The following IGF1R variants were observed in gnomAD, a reference collection of about 807,000 sequenced individuals.
IGF1R encodes the protein insulin like growth factor 1 receptor.
In IGF1R, 44 loss-of-function variants were observed where a neutral mutation model predicts 144.6. The ratio of observed to expected loss-of-function variants is 0.30; its 90% confidence interval spans 0.24 to 0.39. The LOEUF (loss-of-function observed/expected upper bound fraction) is 0.39. IGF1R is among the 10% of genes least tolerant of loss of function. IGF1R has a pLI of 1.00. For synonymous variants in IGF1R, 795 were observed against 722.8 expected (o/e 1.10, Z -1.60); for missense variants, 1,355 against 1,833.7 (o/e 0.74, Z 4.77).
intron 5 of IGF1R, among the ~76,000 whole-genome samples, chr15:98,901,653 T>C (rs903045311): frequency 1.3e-5 from 2 of 152,118 alleles, no homozygotes; most frequent in African/African-American, 4.8e-5. Context: ...ACATCAGCAG[T>C]GCAAAGCAGA....
At chr15:98,710,316 C>T (rs1417627948) in intron 2 of IGF1R, among the ~76,000 whole-genome samples, 7 of 152,172 alleles carry the variant, frequency 4.6e-5, no homozygotes, top group Non-Finnish European at 1.0e-4. Context: ...GACTTCCCTT[C>T]CCCTTGTCCT....
At chr15:98,699,648 T>C (rs1424416229) in intron 1 of IGF1R, among the ~76,000 whole-genome samples, 1 of 152,178 alleles carries the variant, frequency 6.6e-6, no homozygotes, top group African/African-American at 2.4e-5. Flanking sequence ...GTCTTTGAAT[T>C]CCCGTTAAAG....
At position 98,899,538 on chromosome 15, in the gene IGF1R, G is replaced by A. The variant is rs540944218; in HGVS notation, c.1164G>A (p.Val388=). The stretch of plus-strand genomic sequence containing the variant: ...TCATCGAGGTGGTGACGGGCTACGT[G>A]AAGATCCGCCATTCTCATGCCTTGG... The part of the protein sequence containing the change: ...MGLIEVVTGY[V]KIRHSHALVS... Residue 388 remains valine (V), a synonymous_variant, in exon 5 of 21, where the codon GTG becomes GTA. Transcript: ENST00000650285. 183 of 1,614,148 alleles carry A rather than the reference G, an allele frequency of 1.1e-4. No homozygotes were observed. Among genetic ancestry groups the A allele is most frequent in the Non-Finnish European group, 1.5e-4 (173 of 1,179,998 alleles).
At chr15:98,874,068 T>C (rs45572735) in intron 2 of IGF1R, among the ~76,000 whole-genome samples, 11 of 151,100 alleles carry the variant, frequency 7.3e-5, no homozygotes, top group African/African-American at 2.7e-4. Context: ...AGGATGGGGG[T>C]TGAGGGAGGG....
chr15:98,709,809 G>A (rs1567088229), intron 2 of IGF1R, among the ~76,000 whole-genome samples: 1 of 152,164 alleles, frequency 6.6e-6, no homozygotes, highest in Non-Finnish European at 1.5e-5. Context: ...AAACTCATAA[G>A]CTCTTTAGAG....
At chr15:98,836,614 G>A (rs1294303452) in intron 2 of IGF1R, among the ~76,000 whole-genome samples, 1 of 150,910 alleles carries the variant, frequency 6.6e-6, no homozygotes, top group Non-Finnish European at 1.5e-5. Context: ...TCACAGCCAA[G>A]AAATTAACAA....
chr15:98,780,601 A>T (rs2055839829), intron 2 of IGF1R, among the ~76,000 whole-genome samples: 1 of 150,546 alleles, frequency 6.6e-6, no homozygotes, highest in Non-Finnish European at 1.5e-5. Context: ...TAAAATTGTA[A>T]GGTGAATATG....
At chr15:98,795,651 C>T (rs1428493420) in intron 2 of IGF1R, among the ~76,000 whole-genome samples, 2 of 152,188 alleles carry the variant, frequency 1.3e-5, no homozygotes, top group Non-Finnish European at 2.9e-5. Context: ...CTCCTGACCT[C>T]GTGATCCACC....
intron 1 of IGF1R, among the ~76,000 whole-genome samples, chr15:98,664,179 TAG>T (rs2052669121): frequency 6.6e-6 from 1 of 152,208 alleles, no homozygotes; most frequent in African/African-American, 2.4e-5. Context: ...TTGGAGCAAG[TAG>T]AGTTTCAGAC....
intron 1 of IGF1R, among the ~76,000 whole-genome samples, chr15:98,700,853 C>T (rs147708100): frequency 3.9e-3 from 595 of 152,168 alleles, no homozygotes; most frequent in Non-Finnish European, 6.8e-3. Flanking sequence ...CTGACCTCCT[C>T]GGAGATAGGG....
intron 2 of IGF1R, chr15:98,824,111 G>A (rs971766584): frequency 3.9e-5 from 6 of 152,088 alleles, no homozygotes; most frequent in Admixed American, 6.5e-5. Context: ...TGTCATTCTC[G>A]GGGCTGACTG....
intron 2 of IGF1R, among the ~76,000 whole-genome samples, chr15:98,873,192 C>CT (rs956027890): frequency 6.6e-6 from 1 of 152,138 alleles, no homozygotes; most frequent in Non-Finnish European, 1.5e-5. Flanking sequence ...TCTCACAAGA[C>CT]TTATTGATGC....
rs2056444341 is a variant in IGF1R at position 98,805,148 on chromosome 15, C to T, written c.641-86177C>T. Among the ~76,000 whole-genome samples the T allele has an allele frequency of 2.0e-5, 3 of 152,196 alleles. 1 individual carries two copies. In the South Asian group the frequency reaches 6.2e-4, roughly 32 times the overall value. ...AGGTTTGAATTTAGATGACCTCAAT[C>T]TTGAGGTGTTATCGGAGCATTACAG... is the stretch of plus-strand genomic sequence containing the variant. On this transcript the variant is annotated intron_variant, in intron 2 of 20. Coordinates refer to ENST00000650285, the MANE Select transcript of IGF1R (RefSeq NM_000875.5).
intron 10 of IGF1R, among the ~76,000 whole-genome samples, chr15:98,918,689 G>A (rs936163739): frequency 2.6e-5 from 4 of 152,094 alleles, no homozygotes; most frequent in Non-Finnish European, 4.4e-5. Context: ...GACCAGCCGG[G>A]CATCATGGTG....
intron 2 of IGF1R, among the ~76,000 whole-genome samples, chr15:98,774,773 G>A (rs954597586): frequency 1.3e-5 from 2 of 152,056 alleles, no homozygotes; most frequent in Non-Finnish European, 1.5e-5. Flanking sequence ...GGTGGCTGGC[G>A]GTGATGTTGT....
chr15:98,788,058 C>G (rs3076059), intron 2 of IGF1R, among the ~76,000 whole-genome samples: 77,542 of 126,792 alleles, frequency 0.61, 22,634 homozygotes, highest in Middle Eastern at 0.68. Flanking sequence ...CTCTCTCTCT[C>G]TCTCTGTGTG....
rs563023712 is a variant in IGF1R at position 98,886,487 on chromosome 15, GT to G, written c.641-4835del. Among the ~76,000 whole-genome samples the G allele has an allele frequency of 2.9e-3, 436 of 152,252 alleles. 5 individuals carry two copies. The highest frequency in any genetic ancestry group is 9.9e-3 in the African/African-American group (413 of 41,554). On this transcript the variant is annotated intron_variant, in intron 2 of 20. Coordinates refer to ENST00000650285, the MANE Select transcript of IGF1R (RefSeq NM_000875.5). ...TAGAAGGATCTCATGGGCAAAATCA[GT>G]TTGCTTTTTTCTCTGTATATTTGTT...
At chr15:98,823,257 G>C (rs2056834768) in intron 2 of IGF1R, among the ~76,000 whole-genome samples, 1 of 152,224 alleles carries the variant, frequency 6.6e-6, no homozygotes, top group Non-Finnish European at 1.5e-5. Context: ...GAACCCCTTG[G>C]AAAGGAGGAA....
chr15:98,696,235 G>C lies in IGF1R; in HGVS notation c.95-11327G>C, dbSNP rs144052991. ...CTTGACTCTGTCATCCAGTGTATTT[G>C]CCATTGCTCCTGGAAACTTGTCATC... On this transcript the variant is annotated intron_variant, in intron 1 of 20. Transcript: ENST00000650285. 1.3e-4 allele frequency among the ~76,000 whole-genome samples: 20 copies of C among 152,014 alleles called. No homozygotes were observed. The East Asian group carries it at 3.9e-3, about 29-fold the overall frequency.
Sources: allele counts gnomAD v4.1 joint callset (sites outside exome capture counted in the v4.1 genomes callset), GRCh38; gene constraint gnomAD v4.1.1; transcripts MANE v1.5; gene names NCBI Gene and HGNC (gene_info 2026-07-23, HGNC 2026-07-21).